The following SLC35F4 variants were observed in gnomAD, a reference collection of about 807,000 sequenced individuals.
SLC35F4 encodes solute carrier family 35 member F4.
Under a neutral mutation model 44.2 loss-of-function variants are expected in SLC35F4, and 24 were observed. The ratio of observed to expected loss-of-function variants is 0.54; its 90% CI spans 0.39 to 0.76. SLC35F4 has a LOEUF of 0.76. Among genes scored for constraint, SLC35F4 ranks in the 30% least tolerant of loss-of-function variants. The probability of loss-of-function intolerance (pLI) is 0.00; values close to 1 mark genes in which losing one functional copy is unlikely to be tolerated. For missense variants in SLC35F4, 562 were observed against 586.1 expected (o/e 0.96, Z 0.42); for synonymous variants, 238 against 223.6 (o/e 1.06, Z -0.57).
At chr14:57,700,740 C>A (rs1352409078) in intron 1 of SLC35F4, among the ~76,000 whole-genome samples, 1 of 151,842 alleles carries the variant, frequency 6.6e-6, no homozygotes, top group Non-Finnish European at 1.5e-5. Flanking sequence ...TCCATCTCTA[C>A]AAGAAATACA....
intron 1 of SLC35F4, among the ~76,000 whole-genome samples, chr14:57,823,660 T>C (rs1212331261): frequency 6.6e-6 from 1 of 152,164 alleles, no homozygotes; most frequent in African/African-American, 2.4e-5. Flanking sequence ...TTGGGAGTCT[T>C]GGGCAACTTG....
intron 1 of SLC35F4, among the ~76,000 whole-genome samples, chr14:57,796,263 CAT>C (rs917073576): frequency 2.0e-5 from 3 of 152,144 alleles, no homozygotes; most frequent in African/African-American, 7.2e-5. Context: ...CATATGTGTG[CAT>C]ATGTCTTTAT....
chr14:57,865,072 C>A (rs969595425), intron 1 of SLC35F4, among the ~76,000 whole-genome samples: 4 of 62,050 alleles, frequency 6.4e-5, no homozygotes, highest in Non-Finnish European at 7.7e-5. Context: ...CCCCCCCCCA[C>A]GCCCCCAGTC....
Position 57,820,088 on chromosome 14 carries a change from G to C in SLC35F4, c.103+45635C>G, listed in dbSNP as rs141143768. On this transcript the variant is annotated intron_variant, in intron 1 of 7. Transcript: ENST00000556826. ...TCTTTGTGGAAAAAATAATAAATTT[G>C]TATGCCTATACCACACCATAAATAA... is the stretch of plus-strand genomic sequence containing the variant. Among the ~76,000 whole-genome samples, 825 of 152,216 alleles carry C rather than the reference G, an allele frequency of 5.4e-3. 5 individuals carry two copies. The highest frequency in any genetic ancestry group is 0.018 in the African/African-American group (752 of 41,538).
At chr14:57,664,752 T>C (rs980733428) in intron 1 of SLC35F4, among the ~76,000 whole-genome samples, 5 of 152,184 alleles carry the variant, frequency 3.3e-5, no homozygotes, top group Non-Finnish European at 7.3e-5. Context: ...GCAATGAACA[T>C]CATGCTTCCG....
chr14:57,588,225 A>G (rs757710618), intron 3 of SLC35F4, among the ~76,000 whole-genome samples: 8 of 152,364 alleles, frequency 5.3e-5, no homozygotes, highest in African/African-American at 1.9e-4. Flanking sequence ...GAAGAGTCGT[A>G]TAATGTACCA....
chr14:57,853,005 T>C (rs1886720607), intron 1 of SLC35F4, among the ~76,000 whole-genome samples: 1 of 152,228 alleles, frequency 6.6e-6, no homozygotes, highest in Non-Finnish European at 1.5e-5. Context: ...GACTGCAGGA[T>C]AGTGTAATGT....
At chr14:57,599,527 C>T (rs1302169599) in intron 1 of SLC35F4, among the ~76,000 whole-genome samples, 1 of 151,990 alleles carries the variant, frequency 6.6e-6, no homozygotes, top group South Asian at 2.1e-4. Flanking sequence ...AGGCCTGAAG[C>T]GGCGAGGGGA....
chr14:57,867,551 G>A (rs183912098), upstream of SLC35F4, among the ~76,000 whole-genome samples: 42 of 152,002 alleles, frequency 2.8e-4, no homozygotes, highest in African/African-American at 9.7e-4. Flanking sequence ...CACTAGTGCA[G>A]TGATGGGGAG....
chr14:57,650,301 A>G (rs1233000081), intron 1 of SLC35F4, among the ~76,000 whole-genome samples: 1 of 152,090 alleles, frequency 6.6e-6, no homozygotes, highest in Non-Finnish European at 1.5e-5. Context: ...CCCTTACTGG[A>G]ATGTTTAATA....
intron 1 of SLC35F4, among the ~76,000 whole-genome samples, chr14:57,599,308 C>G (rs1416836057): frequency 1.3e-5 from 2 of 152,172 alleles, no homozygotes; most frequent in African/African-American, 4.8e-5. Flanking sequence ...AGCCTCCCAC[C>G]CTAGCATCGC....
chr14:57,847,810 A>G (rs997562083), intron 1 of SLC35F4, among the ~76,000 whole-genome samples: 4 of 152,232 alleles, frequency 2.6e-5, no homozygotes, highest in Admixed American at 1.3e-4. Context: ...CTCTGCCACT[A>G]TGAATATGCC....
At chr14:57,831,116 C>A (rs1424247040) in intron 1 of SLC35F4, among the ~76,000 whole-genome samples, 3 of 152,128 alleles carry the variant, frequency 2.0e-5, no homozygotes, top group African/African-American at 7.2e-5. Flanking sequence ...TACTCTGCAC[C>A]AATCACTCAG....
At chr14:57,642,882 C>G (rs553733589) in intron 1 of SLC35F4, among the ~76,000 whole-genome samples, 7 of 151,906 alleles carry the variant, frequency 4.6e-5, no homozygotes, top group Admixed American at 6.6e-5. Flanking sequence ...CCCTATCTCC[C>G]ATTTATTTAG....
chr14:57,714,796 A>G (rs1167625287), intron 1 of SLC35F4, among the ~76,000 whole-genome samples: 1 of 133,092 alleles, frequency 7.5e-6, no homozygotes, highest in African/African-American at 3.0e-5. Flanking sequence ...TGGGTTTGGT[A>G]TAAGCCCAGA....
chr14:57,869,725 A>G (rs1888256406), upstream of SLC35F4, among the ~76,000 whole-genome samples: 1 of 152,220 alleles, frequency 6.6e-6, no homozygotes, highest in Non-Finnish European at 1.5e-5. Context: ...AGAAATTTAA[A>G]CAGTGTTAGT....
chr14:57,705,759 A>C (rs887523841), intron 1 of SLC35F4, among the ~76,000 whole-genome samples: 2 of 152,144 alleles, frequency 1.3e-5, no homozygotes, highest in Middle Eastern at 3.2e-3. Context: ...ACACACCTCT[A>C]TATATAGTCC....
At chr14:57,642,832 T>A (rs1000858426) in intron 1 of SLC35F4, among the ~76,000 whole-genome samples, 1 of 151,896 alleles carries the variant, frequency 6.6e-6, no homozygotes, top group African/African-American at 2.4e-5. Flanking sequence ...AAGAAAAAAA[T>A]GTCAATTTAA....
chr14:57,867,604 C>G (rs990592370), upstream of SLC35F4, among the ~76,000 whole-genome samples: 5 of 149,908 alleles, frequency 3.3e-5, no homozygotes, highest in Admixed American at 1.3e-4. Flanking sequence ...GCCTTTACAC[C>G]CCCCCCCACG....
Sources: allele counts gnomAD v4.1 joint callset (sites outside exome capture counted in the v4.1 genomes callset), GRCh38; gene constraint gnomAD v4.1.1; transcripts MANE v1.5; gene names NCBI Gene and HGNC (gene_info 2026-07-23, HGNC 2026-07-21).